The following STK3 variants were observed in gnomAD, a reference collection of about 807,000 sequenced individuals.
STK3 encodes the protein serine/threonine kinase 3.
STK3 carries 41 observed loss-of-function variants against 58.0 expected under a neutral mutation model. The ratio of observed to expected loss-of-function variants is 0.71; its 90% CI spans 0.55 to 0.92. The LOEUF is 0.92. Among genes scored for constraint, STK3 ranks in the 40% least tolerant of loss-of-function variants. STK3 has a pLI of 0.00. For synonymous variants in STK3, 170 were observed against 191.0 expected (o/e 0.89, Z 0.91); for missense variants, 479 against 602.7 (o/e 0.79, Z 2.15).
intron 9 of STK3, among the ~76,000 whole-genome samples, chr8:98,544,986 G>A (rs1451346089): frequency 6.6e-6 from 1 of 152,074 alleles, no homozygotes; most frequent in Non-Finnish European, 1.5e-5. Flanking sequence ...AGAGCTAACT[G>A]AGTAGATCTG....
chr8:98,739,276 G>A (rs980170453), intron 4 of STK3, among the ~76,000 whole-genome samples: 1 of 152,264 alleles, frequency 6.6e-6, no homozygotes, highest in Non-Finnish European at 1.5e-5. Flanking sequence ...ATCTGAGAAC[G>A]GGCAGACTGC....
chr8:98,651,178 G>A lies in STK3; in HGVS notation c.685-55009C>T, dbSNP rs563801371. Among the ~76,000 whole-genome samples, 13 of 152,262 alleles carry A rather than the reference G, an allele frequency of 8.5e-5. No homozygotes were observed. In the South Asian group the frequency reaches 1.9e-3, roughly 22 times the overall value. ...GGAACGATCAGACAGCAGCATTCGC[G>A]GTCACGAAAATCTGCTGTTCTGCAG... On this transcript the variant is annotated intron_variant, in intron 6 of 10. Transcript: ENST00000419617.
intron 3 of STK3, chr8:98,429,203 G>T (rs758811663): frequency 6.2e-7 from 1 of 1,613,984 alleles, no homozygotes; most frequent in Non-Finnish European, 8.5e-7. Flanking sequence ...CCATCACCTT[G>T]ATCTTCAATA....
chr8:98,652,947 C>T (rs1349335214), intron 6 of STK3, among the ~76,000 whole-genome samples: 1 of 152,098 alleles, frequency 6.6e-6, no homozygotes, highest in Non-Finnish European at 1.5e-5. Flanking sequence ...AATAAGCATA[C>T]CCAGGAACTG....
intron 3 of STK3, among the ~76,000 whole-genome samples, chr8:98,840,768 G>A (rs539883850): frequency 6.6e-6 from 1 of 151,874 alleles, no homozygotes; most frequent in East Asian, 1.9e-4. Flanking sequence ...GTCTCTGTAA[G>A]TCAGAAATCC....
chr8:98,463,017 C>T (rs921082878), intron 10 of STK3: 2 of 152,110 alleles, frequency 1.3e-5, no homozygotes, highest in African/African-American at 2.4e-5. Flanking sequence ...CTGTATCATT[C>T]CAATTTTAGT....
intron 4 of STK3, among the ~76,000 whole-genome samples, chr8:98,710,959 G>C (rs1461691838): frequency 1.3e-5 from 2 of 152,178 alleles, no homozygotes; most frequent in Admixed American, 6.5e-5. Flanking sequence ...GGAACGATCA[G>C]GCAGCAACAT....
At chr8:98,868,865 T>C (rs1247893597) in intron 3 of STK3, among the ~76,000 whole-genome samples, 1 of 151,798 alleles carries the variant, frequency 6.6e-6, no homozygotes, top group Non-Finnish European at 1.5e-5. Context: ...TGGTCCCAGC[T>C]ACTCGAGAGG....
At chr8:98,855,850 A>C (rs909311613) in intron 3 of STK3, among the ~76,000 whole-genome samples, 115 of 152,120 alleles carry the variant, frequency 7.6e-4, no homozygotes, top group African/African-American at 2.7e-3. Context: ...ATGAAACCCC[A>C]TCTCTATTGA....
chr8:98,887,012 C>T (rs1422427000), intron 1 of STK3, among the ~76,000 whole-genome samples: 1 of 152,040 alleles, frequency 6.6e-6, no homozygotes, highest in African/African-American at 2.4e-5. Flanking sequence ...GCAGGAGAAT[C>T]GCTTGAACCA....
chr8:98,361,718 T>C, the STK3 span, among the ~76,000 whole-genome samples: 1 of 152,174 alleles, frequency 6.6e-6, no homozygotes, highest in African/African-American at 2.4e-5. Context: ...GGCATATATT[T>C]CATTGGGACA....
At chr8:98,654,907 G>A (rs1239846224) in intron 6 of STK3, among the ~76,000 whole-genome samples, 3 of 152,028 alleles carry the variant, frequency 2.0e-5, no homozygotes, top group Non-Finnish European at 4.4e-5. Flanking sequence ...TGGCCATACT[G>A]CCCAAGGTAG....
intron 4 of STK3, among the ~76,000 whole-genome samples, chr8:98,715,468 A>G (rs1051058894): frequency 6.6e-6 from 1 of 152,110 alleles, no homozygotes; most frequent in Non-Finnish European, 1.5e-5. Context: ...AAAAGTGGGC[A>G]AAGGATATGA....
At chr8:98,555,127 A>G (rs1371472894) in intron 8 of STK3, among the ~76,000 whole-genome samples, 1 of 152,138 alleles carries the variant, frequency 6.6e-6, no homozygotes, top group African/African-American at 2.4e-5. Context: ...ATCCACATGG[A>G]ATACAAATAT....
intron 6 of STK3, among the ~76,000 whole-genome samples, chr8:98,662,061 G>C (rs543628073): frequency 2.8e-4 from 43 of 151,940 alleles, no homozygotes; most frequent in Middle Eastern, 6.8e-3. Flanking sequence ...CCTAGTATAC[G>C]CAAAAAATGT....
At chr8:98,385,691 G>T (rs1244167744) in intron 1 of STK3, among the ~76,000 whole-genome samples, 2 of 152,162 alleles carry the variant, frequency 1.3e-5, no homozygotes, top group African/African-American at 4.8e-5. Context: ...TCAGTGGGCG[G>T]GGGGAGATGC....
chr8:98,792,462 C>T (rs1211226186), intron 1 of STK3, among the ~76,000 whole-genome samples: 3 of 152,056 alleles, frequency 2.0e-5, no homozygotes, highest in African/African-American at 4.8e-5. Flanking sequence ...TTTGGGAGGC[C>T]GAGGTGGGCA....
intron 1 of STK3, among the ~76,000 whole-genome samples, chr8:98,780,872 A>C (rs545009091): frequency 6.6e-6 from 1 of 152,324 alleles, no homozygotes; most frequent in East Asian, 1.9e-4. Flanking sequence ...AACACAAAAC[A>C]CATATCAAGG....
chr8:98,381,835 C>T (rs1454214838), intron 1 of STK3, among the ~76,000 whole-genome samples: 3 of 152,162 alleles, frequency 2.0e-5, no homozygotes, highest in African/African-American at 7.2e-5. Context: ...AAACTTGAGG[C>T]CAATGAAGGT....
Sources: gnomAD v4.1 joint callset for allele counts (sites outside exome capture counted in the v4.1 genomes callset) on GRCh38, gnomAD v4.1.1 for gene constraint, MANE v1.5 for transcripts, NCBI Gene and HGNC (gene_info 2026-07-23, HGNC 2026-07-21) for gene names.